The following PCDHGB3 variants were observed in gnomAD, a reference collection of about 807,000 sequenced individuals.
PCDHGB3 encodes the protein protocadherin gamma-B3.
PCDHGB3 carries 40 observed loss-of-function variants against 59.2 expected under a neutral mutation model. That is an observed-to-expected ratio of 0.68 (90% CI 0.52 to 0.88). The LOEUF is 0.88. PCDHGB3 is among the 40% of genes least tolerant of loss of function. The pLI, the probability that PCDHGB3 is intolerant of heterozygous loss-of-function variation, is 0.00. For missense variants in PCDHGB3, 1,309 were observed against 1,187.9 expected (o/e 1.10, Z -1.50); for synonymous variants, 581 against 503.6 (o/e 1.15, Z -2.06).
In PCDHGB3 at chr5:141,431,508, G is replaced by A. The variant is rs774545870; in HGVS notation, c.2415+58699G>A. ...TTTGCTCAGCCCGAGTACCGCGCGA[G>A]CGTTCCGGAGAATCTGGCCTTGGGC... On this transcript the variant is annotated intron_variant, in intron 1 of 3. Coordinates refer to ENST00000576222, the MANE Select transcript of PCDHGB3 (RefSeq NM_018924.5). The surrounding 1 kb of genome is among the most constrained non-coding windows in gnomAD (Gnocchi z 4.8). 12 of 1,613,914 alleles carry A rather than the reference G, an allele frequency of 7.4e-6. No individual in the cohort carries two copies. Among genetic ancestry groups the A allele is most frequent in the East Asian group, 2.2e-5 (1 of 44,904 alleles).
At position 141,490,857 on chromosome 5, in the gene PCDHGB3, C is replaced by G; in HGVS notation, c.2416-3950C>G. 6.2e-7 allele frequency: 1 copy of G among 1,613,832 alleles called. No homozygotes were observed. Among genetic ancestry groups the G allele is most frequent in the Admixed American group, 1.7e-5 (1 of 60,012 alleles). On this transcript the variant is annotated intron_variant, in intron 1 of 3. Coordinates refer to ENST00000576222, the MANE Select transcript of PCDHGB3 (RefSeq NM_018924.5). The surrounding 1 kb of genome is among the most constrained non-coding windows in gnomAD (Gnocchi z 5.4). ...AGATTGTGGTGGGGGTTCGAGACTCCGGCTCTCCCCCATTGCATGCCAACA... is the reference window on the plus strand; with the variant it reads ...AGATTGTGGTGGGGGTTCGAGACTCGGGCTCTCCCCCATTGCATGCCAACA...
intron 1 of PCDHGB3, chr5:141,422,945 C>T (rs13188215): frequency 6.2e-7 from 1 of 1,614,134 alleles, no homozygotes; most frequent in Non-Finnish European, 8.5e-7. Context: ...ACAGACGGCT[C>T]CACTGGCGTG....
At chr5:141,428,606 A>G (rs1270096118) in intron 1 of PCDHGB3, 4 of 216,044 alleles carry the variant, frequency 1.9e-5, no homozygotes, top group Admixed American at 1.6e-4. Context: ...TTCACTGAAG[A>G]GAATAACAAG....
Position 141,476,364 on chromosome 5 carries a change from C to T in PCDHGB3, c.2416-18443C>T, listed in dbSNP as rs1462808655. The T allele has an allele frequency of 6.2e-7, 1 of 1,614,036 alleles. No homozygotes were observed. The highest frequency in any genetic ancestry group is 8.5e-7 in the Non-Finnish European group (1 of 1,180,026). Reference sequence around the variant, plus strand: ...AGATTCTTTGAGGTGAACCGGGAGACCGGAGAGATGTTTGTGAACGACCGT... The same window carrying T: ...AGATTCTTTGAGGTGAACCGGGAGATCGGAGAGATGTTTGTGAACGACCGT... On this transcript the variant is annotated intron_variant, in intron 1 of 3. Coordinates refer to ENST00000576222, the MANE Select transcript of PCDHGB3 (RefSeq NM_018924.5). This position sits in a 1 kb window ranked among gnomAD's most constrained non-coding sequence, Gnocchi z 7.6.
At chr5:141,467,460 T>G (rs1354012953) in intron 1 of PCDHGB3, among the ~76,000 whole-genome samples, 1 of 152,246 alleles carries the variant, frequency 6.6e-6, no homozygotes. Context: ...CCAGTGCTAG[T>G]ACTTGCATGG....
At chr5:141,484,880 T>G (rs1258072805) in intron 1 of PCDHGB3, 3 of 336,846 alleles carry the variant, frequency 8.9e-6, no homozygotes, top group Admixed American at 9.2e-5. Flanking sequence ...GAGGATAGGG[T>G]GGGCTTTTTC....
rs776331475 is a variant in PCDHGB3, at chr5:141,371,401, A to G, written c.1007A>G (p.Asp336Gly). 4 of 1,614,018 alleles carry G rather than the reference A, an allele frequency of 2.5e-6. No homozygotes were observed. Among genetic ancestry groups the G allele is most frequent in the Admixed American group, 3.3e-5 (2 of 60,032 alleles). The change falls in exon 1 of 4, where the codon GAT (aspartate) becomes GGT (glycine). Residue 336 changes from aspartate (D) to glycine (G), a missense_variant. Transcript: ENST00000576222. ...ACTGCATATTGTAAAGTACAGATAG[A>G]TATTTCAGATGAAAATGACAATGCC... Reference protein sequence around the residue: ...HHTAYCKVQIDISDENDNAPE... With the variant: ...HHTAYCKVQIGISDENDNAPE...
chr5:141,420,956 T>C lies in PCDHGB3; in HGVS notation c.2415+48147T>C, dbSNP rs17097281. 2.2e-3 allele frequency: 904 copies of C among 416,864 alleles called. 5 individuals carry two copies. The highest frequency in any genetic ancestry group is 0.016 in the African/African-American group (760 of 48,560). 25.8% of individuals were successfully genotyped at this position (416,864 alleles called of 1,614,324 possible). A position where few individuals can be genotyped will look rare whatever the true frequency, so the allele number is the denominator to read the frequency against. Reference sequence around the variant, plus strand: ...AATCATTTCTTCTGGAATTTCTTAGTCGTTGCAATAATAAGAATGGGCTCT... The same window carrying C: ...AATCATTTCTTCTGGAATTTCTTAGCCGTTGCAATAATAAGAATGGGCTCT... On this transcript the variant is annotated intron_variant, in intron 1 of 3. Coordinates refer to ENST00000576222, the MANE Select transcript of PCDHGB3 (RefSeq NM_018924.5).
At chr5:141,385,224 T>G (rs751833387) in intron 1 of PCDHGB3, 2 of 1,614,206 alleles carry the variant, frequency 1.2e-6, no homozygotes, top group Non-Finnish European at 1.7e-6. Flanking sequence ...AGCCCAACTA[T>G]GTAGACATGC....
intron 1 of PCDHGB3, among the ~76,000 whole-genome samples, chr5:141,373,662 T>C (rs1319235176): frequency 6.6e-6 from 1 of 152,246 alleles, no homozygotes; most frequent in Non-Finnish European, 1.5e-5. Context: ...GATATTTTCA[T>C]AAAAATGAAT....
In PCDHGB3 at chr5:141,371,109, C is replaced by T; in HGVS notation, c.715C>T (p.Pro239Ser). Residue 239 changes from proline (P) to serine (S), a missense_variant, in exon 1 of 4, where the codon CCC (proline) becomes TCC (serine). Physicochemically the swap from Pro to Ser is moderately conservative, Grantham distance 74. Coordinates refer to ENST00000576222, the MANE Select transcript of PCDHGB3 (RefSeq NM_018924.5). ...AATTGTCGCAGATGCAAATGATAACCCCCCAGTATTTACTCAGGACATGTA... is the reference window on the plus strand; with the variant it reads ...AATTGTCGCAGATGCAAATGATAACTCCCCAGTATTTACTCAGGACATGTA... Reference protein sequence around the residue: ...RVIVADANDNPPVFTQDMYRV... With the variant: ...RVIVADANDNSPVFTQDMYRV... The T allele has an allele frequency of 6.2e-7, 1 of 1,613,836 alleles. No individual in the cohort carries two copies. Among genetic ancestry groups the T allele is most frequent in the South Asian group, 1.1e-5 (1 of 91,080 alleles).
At position 141,390,084 on chromosome 5, in the gene PCDHGB3, G is replaced by A. The variant is rs755692863; in HGVS notation, c.2415+17275G>A. Reference sequence around the variant, plus strand: ...CCAGCCTGGTCTCTGTGTTAAATCCGAATCCGTGGTTCCCCCCAACTACAG... The same window carrying A: ...CCAGCCTGGTCTCTGTGTTAAATCCAAATCCGTGGTTCCCCCCAACTACAG... On this transcript the variant is annotated intron_variant, in intron 1 of 3. Transcript: ENST00000576222. 8 of 1,613,954 alleles carry A rather than the reference G, an allele frequency of 5.0e-6. No homozygotes were observed. In the African/African-American group the frequency reaches 9.3e-5, roughly 19 times the overall value.
chr5:141,496,144 T>C (rs1478887814), intron 2 of PCDHGB3, among the ~76,000 whole-genome samples: 1 of 151,780 alleles, frequency 6.6e-6, no homozygotes, highest in Non-Finnish European at 1.5e-5. Context: ...GAGCCTTTGA[T>C]CGCAGCTCTC....
chr5:141,385,085 A>C, intron 1 of PCDHGB3: 1 of 1,614,132 alleles, frequency 6.2e-7, no homozygotes, highest in South Asian at 1.1e-5. Context: ...CAGGCTTCAG[A>C]AGGTGGCTTG....
At chr5:141,389,388 T>C (rs375763465) in intron 1 of PCDHGB3, 34 of 1,613,602 alleles carry the variant, frequency 2.1e-5, no homozygotes, top group Non-Finnish European at 2.6e-5. Context: ...GCTGTCATCC[T>C]ACGTGTCCAT....
intron 1 of PCDHGB3, among the ~76,000 whole-genome samples, chr5:141,444,497 C>G (rs899746599): frequency 3.3e-5 from 5 of 152,026 alleles, no homozygotes; most frequent in African/African-American, 1.2e-4. Context: ...TTGTGTAATA[C>G]TTTGCTCTAG....
At chr5:141,398,759 T>A (rs1313274991) in intron 1 of PCDHGB3, 2 of 1,613,904 alleles carry the variant, frequency 1.2e-6, no homozygotes, top group Non-Finnish European at 1.7e-6. Context: ...CATCGTTTAG[T>A]CCTGACTGCC....
In PCDHGB3 at chr5:141,371,952, T is replaced by C. The variant is rs1377821829; in HGVS notation, c.1558T>C (p.Phe520Leu). The C allele has an allele frequency of 6.2e-7, 1 of 1,613,142 alleles. No individual in the cohort carries two copies. Among genetic ancestry groups the C allele is most frequent in the African/African-American group, 1.3e-5 (1 of 74,948 alleles). ...RSGVVFAQRA[F>L]DHEQLRAFEL... ...CGGGGTGGTGTTCGCGCAGCGAGCCTTCGACCACGAGCAGCTGCGTGCCTT... is the reference window on the plus strand; with the variant it reads ...CGGGGTGGTGTTCGCGCAGCGAGCCCTCGACCACGAGCAGCTGCGTGCCTT... The change falls in exon 1 of 4, where the codon TTC becomes CTC. Residue 520 changes from phenylalanine to leucine, a missense_variant. Transcript: ENST00000576222.
intron 1 of PCDHGB3, among the ~76,000 whole-genome samples, chr5:141,483,015 G>A (rs916071219): frequency 2.0e-5 from 3 of 152,044 alleles, no homozygotes; most frequent in African/African-American, 7.2e-5. Context: ...AACCCGGGAG[G>A]CAGAGGTTGC....
Sources: gnomAD v4.1 joint callset for allele counts (sites outside exome capture counted in the v4.1 genomes callset) on GRCh38, gnomAD v4.1.1 for gene constraint, Gnocchi (gnomAD v3.1) non-coding constraint, MANE v1.5 for transcripts, NCBI Gene and HGNC (gene_info 2026-07-23, HGNC 2026-07-21) for gene names.